Variants in TEX14 observed in about 807,000 individuals in gnomAD.
TEX14 encodes testis expressed 14, intercellular bridge forming factor.
Under a neutral mutation model 178.6 loss-of-function variants are expected in TEX14, and 168 were observed. The ratio of observed to expected loss-of-function variants is 0.94; its 90% CI spans 0.83 to 1.07. The LOEUF is 1.07. Among genes scored for constraint, TEX14 ranks in the 50% least tolerant of loss-of-function variants. The pLI is 0.00. For missense variants in TEX14, 1,730 were observed against 1,753.6 expected (o/e 0.99, Z 0.24); for synonymous variants, 626 against 634.1 (o/e 0.99, Z 0.19).
chr17:58,562,210 A>G (rs994106300), intron 28 of TEX14, among the ~76,000 whole-genome samples: 29 of 152,232 alleles, frequency 1.9e-4, no homozygotes, highest in Non-Finnish European at 3.7e-4. Context: ...CTCTGTCTCA[A>G]TTCTAGGTCA....
intron 1 of TEX14, among the ~76,000 whole-genome samples, chr17:58,690,041 G>A (rs2047666502): frequency 6.6e-6 from 1 of 151,852 alleles, no homozygotes; most frequent in Non-Finnish European, 1.5e-5. Context: ...AGTAGAGACG[G>A]GGTTTCATCA....
At position 58,574,236 on chromosome 17, in the gene TEX14, G is replaced by A. The variant is rs573324823; in HGVS notation, c.3334C>T (p.Gln1112Ter). 1.2e-6 allele frequency: 2 copies of A among 1,612,832 alleles called. No homozygotes were observed. The highest frequency in any genetic ancestry group is 1.7e-5 in the Admixed American group (1 of 59,994). Reference sequence around the variant, plus strand: ...GGTGACTCCTTTGATGTCTCTTCTTGTTCATCTTCAGTACTGTGAGAAAGA... The same window carrying A: ...GGTGACTCCTTTGATGTCTCTTCTTATTCATCTTCAGTACTGTGAGAAAGA... ...FQPVRSTEDE[Q>*]EETSKESPKE... The change falls in exon 22 of 32, where the codon CAA becomes TAA. Residue 1112 changes from glutamine (Q) to a stop codon, truncating the protein, a stop_gained. Transcript: ENST00000349033. LOFTEE classifies it high-confidence loss of function.
intron 7 of TEX14, 131 bp from the exon 8 acceptor site, chr17:58,615,476 C>G (rs1598388433): frequency 1.5e-6 from 1 of 657,576 alleles, no homozygotes; most frequent in East Asian, 2.9e-5. Flanking sequence ...CTGGGCACTA[C>G]TGGGTCCTCT....
intron 7 of TEX14, 96 bp downstream of exon 7, chr17:58,616,079 G>T: frequency 1.5e-6 from 2 of 1,366,336 alleles, no homozygotes; most frequent in South Asian, 1.4e-5. Flanking sequence ...TGTTCCCTGT[G>T]TTTGAGTAGA....
chr17:58,602,556 AACT>A lies in TEX14; in HGVS notation c.1368_1370del (p.Val458del), dbSNP rs778444019. ...TCCCCGAGACTACGGCTTTTTTAAC[AACT>A]GAGCCATCTAAGCCCTTCCAGGGTA... On this transcript the variant is annotated inframe_deletion, in exon 12 of 32. Coordinates refer to ENST00000349033, the MANE Select transcript of TEX14 (RefSeq NM_031272.5). 1 of 1,613,910 alleles carries A rather than the reference AACT, an allele frequency of 6.2e-7. No individual in the cohort carries two copies. Among genetic ancestry groups the A allele is most frequent in the African/African-American group, 1.3e-5 (1 of 74,872 alleles).
At chr17:58,600,559 CA>C (rs36057622) in intron 13 of TEX14, among the ~76,000 whole-genome samples, 290 of 114,484 alleles carry the variant, frequency 2.5e-3, no homozygotes, top group Admixed American at 3.7e-3. Context: ...GAAACTGTCT[CA>C]AAAAAAAAAA....
intron 14 of TEX14, among the ~76,000 whole-genome samples, chr17:58,595,569 T>C (rs2045259783): frequency 6.6e-6 from 1 of 152,252 alleles, no homozygotes; most frequent in Admixed American, 6.5e-5. Flanking sequence ...TCAGCTGCTA[T>C]GCTGTAGAGA....
At position 58,668,907 on chromosome 17, in the gene TEX14, C is replaced by T. The variant is rs115395791; in HGVS notation, c.-1-16905G>A. Among the ~76,000 whole-genome samples, 443 of 152,166 alleles carry T rather than the reference C, an allele frequency of 2.9e-3. 3 individuals are homozygous for T. The highest frequency in any genetic ancestry group is 0.01 in the African/African-American group (426 of 41,508). On this transcript the variant is annotated intron_variant, in intron 1 of 31. Transcript: ENST00000349033. ...TGAGAAGCTGTAGGGTGGAGACATT[C>T]TGGCAAGTGAGTGTCATTTGTTCCG...
intron 5 of TEX14, among the ~76,000 whole-genome samples, chr17:58,618,318 A>G (rs998137957): frequency 1.3e-5 from 2 of 152,210 alleles, no homozygotes; most frequent in Non-Finnish European, 2.9e-5. Context: ...TTTTCATTAT[A>G]TAGGCAAAAA....
chr17:58,680,230 A>G (rs1424445526), intron 1 of TEX14, among the ~76,000 whole-genome samples: 1 of 152,090 alleles, frequency 6.6e-6, no homozygotes, highest in African/African-American at 2.4e-5. Flanking sequence ...TGCGCAGTTA[A>G]ACAAGCTGCT....
intron 31 of TEX14, among the ~76,000 whole-genome samples, chr17:58,557,251 T>C: frequency 6.6e-6 from 1 of 151,742 alleles, no homozygotes; most frequent in East Asian, 1.9e-4. Context: ...GCATCTTCTG[T>C]ATTCTCTCCA....
intron 18 of TEX14, 38 bp downstream of exon 18, chr17:58,585,763 T>C (rs1803683935): frequency 6.2e-7 from 1 of 1,604,706 alleles, no homozygotes. Flanking sequence ...TGATACTTGA[T>C]TGAGTTCACC....
At chr17:58,631,837 A>G (rs1257278286) in intron 2 of TEX14, 1 of 152,188 alleles carries the variant, frequency 6.6e-6, no homozygotes, top group Non-Finnish European at 1.5e-5. Context: ...ATATAGTCTT[A>G]ATGTCCATTT....
chr17:58,608,006 G>A (rs1301634708), intron 10 of TEX14, among the ~76,000 whole-genome samples: 1 of 152,296 alleles, frequency 6.6e-6, no homozygotes, highest in Middle Eastern at 3.4e-3. Context: ...AAGAAGGCTG[G>A]GTGTGGTGGC....
chr17:58,559,946 AT>A (rs1293818278), intron 29 of TEX14, among the ~76,000 whole-genome samples: 2 of 152,174 alleles, frequency 1.3e-5, no homozygotes, highest in Non-Finnish European at 2.9e-5. Flanking sequence ...TTAAGTTTTG[AT>A]TGGTGTCCCT....
At chr17:58,659,112 A>C (rs654778) in intron 1 of TEX14, among the ~76,000 whole-genome samples, 96,577 of 151,866 alleles carry the variant, frequency 0.64, 31,091 homozygotes, top group African/African-American at 0.71. Context: ...CACACGCAAC[A>C]ACACACAAGC....
intron 26 of TEX14, chr17:58,567,860 TGGTAA>T (rs758138565): frequency 6.6e-5 from 10 of 152,276 alleles, no homozygotes; most frequent in Non-Finnish European, 1.3e-4. Flanking sequence ...GGACAAAGTC[TGGTAA>T]CACAGCTGCT....
chr17:58,576,714 T>G (rs2044686884), intron 21 of TEX14, among the ~76,000 whole-genome samples: 1 of 152,162 alleles, frequency 6.6e-6, no homozygotes, highest in Admixed American at 6.5e-5. Flanking sequence ...CAACCACTCA[T>G]CTGTTCTTTA....
intron 1 of TEX14, among the ~76,000 whole-genome samples, chr17:58,667,607 G>A (rs371430909): frequency 2.6e-5 from 4 of 152,150 alleles, no homozygotes; most frequent in Admixed American, 6.5e-5. Context: ...TTTGCTGGCC[G>A]GGTGCAGTGG....
Sources: allele counts gnomAD v4.1 joint callset (sites outside exome capture counted in the v4.1 genomes callset), GRCh38; gene constraint gnomAD v4.1.1; transcripts MANE v1.5; gene names NCBI Gene and HGNC (gene_info 2026-07-23, HGNC 2026-07-21).